The following PHC2 variants were observed in gnomAD, a reference collection of about 807,000 sequenced individuals.
PHC2 encodes polyhomeotic homolog 2.
A neutral mutation model predicts 87.4 loss-of-function variants in PHC2; 29 were observed. That is an observed-to-expected ratio of 0.33 (90% CI 0.25 to 0.45). The LOEUF (loss-of-function observed/expected upper bound fraction) is 0.45. Ranked by LOEUF, PHC2 falls within the 20% of genes least tolerant of loss-of-function variation. The pLI, the probability that PHC2 is intolerant of heterozygous loss-of-function variation, is 1.00. For missense variants in PHC2, 857 were observed against 1,136.7 expected (o/e 0.75, Z 3.54); for synonymous variants, 438 against 461.7 (o/e 0.95, Z 0.66).
intron 14 of PHC2, among the ~76,000 whole-genome samples, chr1:33,328,135 A>G (rs1025172210): frequency 1.3e-5 from 2 of 152,104 alleles, no homozygotes; most frequent in African/African-American, 2.4e-5. Flanking sequence ...AAAAACAGTA[A>G]TGCATCCAGG....
chr1:33,336,489 C>T (rs1442711696), intron 9 of PHC2: 1 of 151,952 alleles, frequency 6.6e-6, no homozygotes, highest in South Asian at 2.1e-4. Flanking sequence ...CACAGTTATA[C>T]CAGTAAGTTA....
intron 9 of PHC2, among the ~76,000 whole-genome samples, chr1:33,338,554 C>T (rs573886747): frequency 6.6e-6 from 1 of 152,204 alleles, no homozygotes; most frequent in Non-Finnish European, 1.5e-5. Flanking sequence ...TCGCCCCCTG[C>T]CAAGCTCAGC....
intron 1 of PHC2, among the ~76,000 whole-genome samples, chr1:33,419,270 G>C (rs1650331771): frequency 6.6e-6 from 1 of 152,190 alleles, no homozygotes; most frequent in East Asian, 1.9e-4. Flanking sequence ...AGTATGATAA[G>C]TGACTACCCT....
rs376869490 is a variant in PHC2, at chr1:33,329,033, G to C, written c.2262C>G (p.Ile754Met). ...NSSYEEPLSP[I>M]SASSSTSRRR... Reference sequence around the variant, plus strand: ...GGCGGGAAGTAGATGAGCTGGCTGAGATGGGTGACAAGGGTTCCTCATAGC... The same window carrying C: ...GGCGGGAAGTAGATGAGCTGGCTGACATGGGTGACAAGGGTTCCTCATAGC... The change falls in exon 14 of 15, where the codon ATC becomes ATG. Residue 754 changes from isoleucine (I) to methionine (M), a missense_variant. By Grantham distance (10) the Ile-to-Met change is conservative. This residue lies in a region of PHC2 where 832 missense variants were observed against 1,081.8 expected (regional missense o/e 0.77). Coordinates refer to ENST00000683057, the MANE Select transcript of PHC2 (RefSeq NM_001385109.1). The C allele has an allele frequency of 1.0e-4, 164 of 1,614,114 alleles. 5 individuals carry two copies. The highest frequency in any genetic ancestry group is 2.1e-4 in the South Asian group (19 of 91,092).
chr1:33,410,045 C>G (rs1649920204), intron 1 of PHC2, among the ~76,000 whole-genome samples: 1 of 152,174 alleles, frequency 6.6e-6, no homozygotes, highest in African/African-American at 2.4e-5. Flanking sequence ...GTCAATAAGG[C>G]TTAATTGCCT....
intron 1 of PHC2, among the ~76,000 whole-genome samples, chr1:33,391,508 G>A (rs1649051836): frequency 6.6e-6 from 1 of 152,086 alleles, no homozygotes; most frequent in Admixed American, 6.5e-5. Flanking sequence ...TCACTGTACG[G>A]GACTGTATGC....
At chr1:33,330,366 G>T (rs529045874) in intron 12 of PHC2, among the ~76,000 whole-genome samples, 154 bp from the exon 13 acceptor site, 2 of 152,194 alleles carry the variant, frequency 1.3e-5, no homozygotes, top group Admixed American at 1.3e-4. Flanking sequence ...GTGACTTTGG[G>T]TTTAAGTCAC....
chr1:33,362,143 C>T (rs753228229), intron 7 of PHC2, among the ~76,000 whole-genome samples: 7 of 152,192 alleles, frequency 4.6e-5, no homozygotes, highest in Non-Finnish European at 8.8e-5. Flanking sequence ...ACTTGCTGTT[C>T]TGTAAATGGT....
At chr1:33,384,701 AC>A (rs1204304780) in intron 1 of PHC2, among the ~76,000 whole-genome samples, 1 of 152,128 alleles carries the variant, frequency 6.6e-6, no homozygotes, top group Non-Finnish European at 1.5e-5. Context: ...TTCAGCTATA[AC>A]GTCTGTTCCT....
rs1385378738 is a variant in PHC2 at position 33,382,873 on chromosome 1, C to A, written c.-54-7280G>T. Among the ~76,000 whole-genome samples, 3 of 152,138 alleles carry A rather than the reference C, an allele frequency of 2.0e-5. No homozygotes were observed. Among genetic ancestry groups the A allele is most frequent in the Admixed American group, 6.6e-5 (1 of 15,258 alleles). Reference sequence around the variant, plus strand: ...AGCTGTGACAGAGGTTCCGGGAAAGCAGAGGGGAAGGATACTGAAAACCTC... The same window carrying A: ...AGCTGTGACAGAGGTTCCGGGAAAGAAGAGGGGAAGGATACTGAAAACCTC... On this transcript the variant is annotated intron_variant, in intron 1 of 14. Coordinates refer to ENST00000683057, the MANE Select transcript of PHC2 (RefSeq NM_001385109.1). The surrounding 1 kb of genome is among the most constrained non-coding windows in gnomAD (Gnocchi z 4.3).
chr1:33,389,603 A>G (rs567593899), intron 1 of PHC2, among the ~76,000 whole-genome samples: 3 of 152,248 alleles, frequency 2.0e-5, no homozygotes, highest in African/African-American at 7.2e-5. Flanking sequence ...GCAATTCCAG[A>G]GTCCCCTGGG....
chr1:33,340,450 T>C (rs1236121897), intron 9 of PHC2, among the ~76,000 whole-genome samples: 5 of 152,212 alleles, frequency 3.3e-5, no homozygotes, highest in African/African-American at 4.8e-5. Context: ...TGCAGAGTGA[T>C]GCCCAGTTAA....
intron 3 of PHC2, 64 bp from the exon 4 acceptor site, chr1:33,371,158 AT>A: frequency 3.8e-6 from 5 of 1,317,358 alleles, no homozygotes; most frequent in Non-Finnish European, 4.4e-6. Context: ...CTGGGCTCTC[AT>A]CATCCACAGG....
intron 9 of PHC2, among the ~76,000 whole-genome samples, chr1:33,344,508 T>C (rs1174863269): frequency 6.6e-6 from 1 of 152,236 alleles, no homozygotes; most frequent in Non-Finnish European, 1.5e-5. Context: ...AACCATTGTC[T>C]AAGCTTCCAG....
chr1:33,355,363 G>A, intron 7 of PHC2, 110 bp from the exon 8 acceptor site: 1 of 954,550 alleles, frequency 1.0e-6, no homozygotes, highest in Non-Finnish European at 1.5e-6. Flanking sequence ...CAAATTCAAT[G>A]TCTCTTGTTT....
At chr1:33,370,930 C>T in intron 4 of PHC2, 87 bp downstream of exon 4, 3 of 1,060,798 alleles carry the variant, frequency 2.8e-6, no homozygotes, top group Non-Finnish European at 4.4e-6. Flanking sequence ...GCTACATGGC[C>T]ACGGATTCAC....
rs530896817 is a variant in PHC2, at chr1:33,422,661, G to A, written c.-55+8315C>T. On this transcript the variant is annotated intron_variant, in intron 1 of 14. Coordinates refer to ENST00000683057, the MANE Select transcript of PHC2 (RefSeq NM_001385109.1). ...TTTGAGAAAGCAATTTCATTTTCAC[G>A]GGCTTTAGTGTCACCATCTTATGTG... 1.1e-3 allele frequency among the ~76,000 whole-genome samples: 174 copies of A among 152,134 alleles called. 1 individual carries two copies. The highest frequency in any genetic ancestry group is 8.8e-4 in the Non-Finnish European group (60 of 67,994).
intron 14 of PHC2, among the ~76,000 whole-genome samples, chr1:33,328,235 A>G (rs1443408383): frequency 6.6e-6 from 1 of 151,998 alleles, no homozygotes; most frequent in Non-Finnish European, 1.5e-5. Context: ...GTGCTCCACC[A>G]CGCAGGGCTC....
chr1:33,409,206 A>G (rs1649887317), intron 1 of PHC2, among the ~76,000 whole-genome samples: 1 of 152,182 alleles, frequency 6.6e-6, no homozygotes, highest in South Asian at 2.1e-4. Flanking sequence ...TTATCTTTAA[A>G]ATAATCCCAG....
Sources: allele counts gnomAD v4.1 joint callset (sites outside exome capture counted in the v4.1 genomes callset), GRCh38; gene constraint gnomAD v4.1.1; regional missense constraint gnomAD v4.1.1; non-coding constraint Gnocchi (gnomAD v3.1); transcripts MANE v1.5; gene names NCBI Gene and HGNC (gene_info 2026-07-23, HGNC 2026-07-21).